GLMN: variants seen among roughly 807,000 people sequenced by gnomAD.
GLMN encodes the protein glomulin, FKBP associated protein.
A neutral mutation model predicts 87.8 loss-of-function variants in GLMN; 75 were observed. That is an observed-to-expected ratio of 0.85 (90% confidence interval 0.71 to 1.04). The LOEUF (loss-of-function observed/expected upper bound fraction) is 1.04. Ranked by LOEUF, GLMN falls within the 50% of genes least tolerant of loss-of-function variation. The pLI is 0.00. For synonymous variants in GLMN, 206 were observed against 221.6 expected, an observed-to-expected ratio of 0.93 and a Z score of 0.63; for missense variants, 588 against 658.8, an observed-to-expected ratio of 0.89 and a Z score of 1.18.
At chr1:92,334,499 T>G in the GLMN span, among the ~76,000 whole-genome samples, 1 of 151,934 alleles carries the variant, frequency 6.6e-6, no homozygotes, top group African/African-American at 2.4e-5. Context: ...ATGGAAACAG[T>G]TAGGGGTCAA....
At position 92,289,229 on chromosome 1, in the gene GLMN, G is replaced by A. The variant is rs193038909; in HGVS notation, c.395-78C>T. The A allele has an allele frequency of 4.2e-4, 344 of 821,728 alleles. No individual in the cohort carries two copies. The African/African-American group carries it at 5.2e-3, about 13-fold the overall frequency. The allele number at this position is 821,728 out of a possible 1,614,324, so 50.9% of individuals were successfully genotyped here. On this transcript the variant is annotated intron_variant, in intron 5 of 18. Transcript: ENST00000370360. The stretch of plus-strand genomic sequence containing the variant: ...AAATTCGGCAAATGTGGAATTATAA[G>A]ACACTTCCTCCTCCCACATTTTAAC...
chr1:92,327,598 G>A, the GLMN span, among the ~76,000 whole-genome samples: 8 of 152,070 alleles, frequency 5.3e-5, no homozygotes, highest in Non-Finnish European at 1.0e-4. Context: ...TGGTGAATTC[G>A]TATTAATTTT....
At chr1:92,313,443 C>CTT in the GLMN span, among the ~76,000 whole-genome samples, 1,412 of 144,984 alleles carry the variant, frequency 9.7e-3, 9 homozygotes, top group Middle Eastern at 0.014. Context: ...GGAAAGGAAT[C>CTT]TTTTTTTTTT....
At chr1:92,288,677 C>T (rs1052682050) in intron 6 of GLMN, among the ~76,000 whole-genome samples, 1 of 152,174 alleles carries the variant, frequency 6.6e-6, no homozygotes, top group African/African-American at 2.4e-5. Context: ...AATCCTCTCA[C>T]TTCAGTCTCC....
At chr1:92,267,422 G>A (rs969345902) in intron 11 of GLMN, among the ~76,000 whole-genome samples, 1 of 152,114 alleles carries the variant, frequency 6.6e-6, no homozygotes, top group Non-Finnish European at 1.5e-5. Context: ...ACTTAGTTCC[G>A]GCTGGGTGTG....
rs1655223311 is a variant in GLMN at position 92,263,062 on chromosome 1, T to C, written c.1410-136A>G. The stretch of plus-strand genomic sequence containing the variant: ...CTATTTCCATTAATATCTTTTTGAG[T>C]AGTAATAACTTATCACTGTTTTCCA... On this transcript the variant is annotated intron_variant, in intron 15 of 18. Transcript: ENST00000370360. 9.7e-6 allele frequency: 5 copies of C among 515,208 alleles called. No homozygotes were observed. The East Asian group carries it at 1.3e-4, about 14-fold the overall frequency. The allele number at this position is 515,208 out of a possible 1,614,324, so 31.9% of individuals were successfully genotyped here.
At chr1:92,280,648 G>A (rs1459008298) in intron 7 of GLMN, among the ~76,000 whole-genome samples, 3 of 152,130 alleles carry the variant, frequency 2.0e-5, no homozygotes, top group Non-Finnish European at 4.4e-5. Flanking sequence ...GCTTCGGAAG[G>A]TCGGTAATAA....
chr1:92,271,979 ACTCT>A (rs1241032625), intron 7 of GLMN, among the ~76,000 whole-genome samples: 1 of 151,878 alleles, frequency 6.6e-6, no homozygotes, highest in Non-Finnish European at 1.5e-5. Flanking sequence ...TTGCTCTCTG[ACTCT>A]CTCCCTTGCT....
chr1:92,304,124 A>G, the GLMN span: 1 of 1,387,416 alleles, frequency 7.2e-7, no homozygotes. Flanking sequence ...ATTTTCATTT[A>G]GCAAAATACT....
At position 92,247,868 on chromosome 1, in the gene GLMN, C is replaced by T; in HGVS notation, c.1585+10G>A. 1.0e-6 allele frequency: 1 copy of T among 977,990 alleles called. No homozygotes were observed. The highest frequency in any genetic ancestry group is 1.7e-6 in the Non-Finnish European group (1 of 601,256). 60.6% of individuals were successfully genotyped at this position (977,990 alleles called of 1,614,324 possible). A position where few individuals can be genotyped will look rare whatever the true frequency, so the allele number is the denominator to read the frequency against. ...AGACCTAATTGAAAACAAAATTGCA[C>T]ATTACCAACCTTGGCTATTTTTAAT... On this transcript the variant is annotated intron_variant, in intron 17 of 18. Transcript: ENST00000370360.
At chr1:92,326,896 G>A in the GLMN span, among the ~76,000 whole-genome samples, 1 of 152,242 alleles carries the variant, frequency 6.6e-6, no homozygotes, top group Non-Finnish European at 1.5e-5. Flanking sequence ...GTGAGAACAA[G>A]TAGGGCTTTC....
At chr1:92,354,046 A>C in the GLMN span, among the ~76,000 whole-genome samples, 2 of 152,116 alleles carry the variant, frequency 1.3e-5, no homozygotes, top group African/African-American at 4.8e-5. Flanking sequence ...CTGAGCAAAA[A>C]GATGTGCACT....
upstream of GLMN, chr1:92,301,554 AGAG>A (rs1306125416): frequency 2.6e-6 from 4 of 1,565,796 alleles, no homozygotes; most frequent in African/African-American, 1.4e-5. Context: ...AACAGCTTTT[AGAG>A]GAGAATATTA....
chr1:92,299,050 C>G (rs1260338186), upstream of GLMN: 2 of 1,410,574 alleles, frequency 1.4e-6, no homozygotes, highest in South Asian at 1.4e-5. Flanking sequence ...GAGCGTGTCC[C>G]CGTCCGGCAG....
At chr1:92,362,574 A>C in the GLMN span, among the ~76,000 whole-genome samples, 1 of 152,194 alleles carries the variant, frequency 6.6e-6, no homozygotes, top group African/African-American at 2.4e-5. Context: ...ATATCAGAAT[A>C]CACAAGGCTT....
At chr1:92,340,711 A>C in the GLMN span, among the ~76,000 whole-genome samples, 2 of 152,268 alleles carry the variant, frequency 1.3e-5, no homozygotes, top group African/African-American at 4.8e-5. Flanking sequence ...CCTAAACATA[A>C]AGCAGCTTTT....
chr1:92,294,575 A>G (rs1649806902), intron 3 of GLMN, among the ~76,000 whole-genome samples: 1 of 152,138 alleles, frequency 6.6e-6, no homozygotes, highest in Non-Finnish European at 1.5e-5. Context: ...AAATCTTTTT[A>G]TTTTTATTTT....
Position 92,298,967 on chromosome 1 carries a change from G to T in GLMN, c.-73C>A. 2.0e-6 allele frequency: 1 copy of T among 506,540 alleles called. No individual in the cohort carries two copies. The highest frequency in any genetic ancestry group is 3.3e-5 in the South Asian group (1 of 30,728). 31.4% of individuals were successfully genotyped at this position (506,540 alleles called of 1,614,324 possible). On this transcript the variant is annotated 5_prime_UTR_variant, in exon 1 of 19. Coordinates refer to ENST00000370360, the MANE Select transcript of GLMN (RefSeq NM_053274.3). ...TCTCCCAGCCGCCGCCACCTCCTCC[G>T]GCGTCTTAGCCCGCTCTTCTGGCCC...
At chr1:92,323,063 T>C in the GLMN span, among the ~76,000 whole-genome samples, 2 of 146,212 alleles carry the variant, frequency 1.4e-5, no homozygotes, top group East Asian at 3.9e-4. Context: ...TATATATACT[T>C]TATATATATA....
Sources: allele counts gnomAD v4.1 joint callset (sites outside exome capture counted in the v4.1 genomes callset), GRCh38; gene constraint gnomAD v4.1.1; transcripts MANE v1.5; gene names NCBI Gene and HGNC (gene_info 2026-07-23, HGNC 2026-07-21).